DLG2: variants seen among roughly 807,000 people sequenced by gnomAD.
DLG2 encodes the protein disks large homolog 2.
In DLG2, 45 loss-of-function variants were observed where a neutral mutation model predicts 132.5. The ratio of observed to expected loss-of-function variants is 0.34; its 90% confidence interval spans 0.27 to 0.44. DLG2 has a LOEUF of 0.44. DLG2 is among the 20% of genes least tolerant of loss of function. The probability of loss-of-function intolerance (pLI) is 1.00; values close to 1 mark genes in which losing one functional copy is unlikely to be tolerated. For synonymous variants in DLG2, 424 were observed against 419.6 expected (o/e 1.01, Z -0.13); for missense variants, 1,045 against 1,196.9 (o/e 0.87, Z 1.87).
intron 7 of DLG2, among the ~76,000 whole-genome samples, chr11:84,433,297 T>C (rs79575172): frequency 0.032 from 4,936 of 152,338 alleles, 134 homozygotes; most frequent in South Asian, 0.15. Flanking sequence ...GGTATTTTAA[T>C]ACTCTTGTAT....
At chr11:85,338,526 G>C (rs892494921) in intron 3 of DLG2, among the ~76,000 whole-genome samples, 6 of 151,862 alleles carry the variant, frequency 4.0e-5, no homozygotes, top group Non-Finnish European at 5.9e-5. Flanking sequence ...ATCCTGGTTA[G>C]TGTTGTTTAG....
At chr11:84,738,173 T>C (rs1165562622) in intron 6 of DLG2, among the ~76,000 whole-genome samples, 1 of 152,096 alleles carries the variant, frequency 6.6e-6, no homozygotes, top group Admixed American at 6.5e-5. Context: ...GAAAAAATTA[T>C]CTAGAGTCAG....
intron 4 of DLG2, among the ~76,000 whole-genome samples, chr11:85,195,520 A>G (rs996376202): frequency 3.4e-5 from 5 of 145,554 alleles, no homozygotes; most frequent in Non-Finnish European, 7.5e-5. Context: ...TGAAAGTGAC[A>G]GTGTTTTTTT....
intron 22 of DLG2, among the ~76,000 whole-genome samples, chr11:83,481,635 A>ACTGCATTACTAATTTGGGCACATGTTTT (rs2093118903): frequency 6.6e-6 from 1 of 152,126 alleles, no homozygotes; most frequent in Non-Finnish European, 1.5e-5. Flanking sequence ...TGTGATCAGA[A>ACTGCATTACTAATTTGGGCACATGTTTT]CTGCATTACT....
intron 6 of DLG2, among the ~76,000 whole-genome samples, chr11:84,980,768 C>T (rs1284056139): frequency 1.3e-5 from 2 of 152,154 alleles, no homozygotes; most frequent in Non-Finnish European, 2.9e-5. Context: ...CCCTTGATTA[C>T]CTATCCAGCT....
At chr11:84,356,406 A>G (rs116637033) in intron 7 of DLG2, among the ~76,000 whole-genome samples, 129 of 152,232 alleles carry the variant, frequency 8.5e-4, no homozygotes, top group African/African-American at 2.9e-3. Context: ...GAACCTGTAT[A>G]AGACAATCCC....
chr11:84,805,184 C>T lies in DLG2; in HGVS notation c.358-270453G>A, dbSNP rs377060052. On this transcript the variant is annotated intron_variant, in intron 6 of 27. Coordinates refer to ENST00000376104, the MANE Select transcript of DLG2 (RefSeq NM_001142699.3). The stretch of plus-strand genomic sequence containing the variant: ...CTAACAATGGAGGCTTAGTGGGAAA[C>T]GGGAACTCCCACTTCCACTCAGCAG... Among the ~76,000 whole-genome samples, 12 of 152,166 alleles carry T rather than the reference C, an allele frequency of 7.9e-5. No homozygotes were observed. In the South Asian group the frequency reaches 2.1e-3, roughly 26 times the overall value.
chr11:83,610,360 G>T (rs948050994), intron 19 of DLG2, among the ~76,000 whole-genome samples: 1 of 152,214 alleles, frequency 6.6e-6, no homozygotes, highest in Admixed American at 6.5e-5. Flanking sequence ...GGTGCTGCAC[G>T]AATCTGTATC....
At chr11:85,493,963 T>C (rs1422881316) in intron 3 of DLG2, among the ~76,000 whole-genome samples, 1 of 152,206 alleles carries the variant, frequency 6.6e-6, no homozygotes, top group Non-Finnish European at 1.5e-5. Context: ...GGCTGCTCTA[T>C]ATTTCCAAGA....
intron 6 of DLG2, among the ~76,000 whole-genome samples, chr11:84,789,760 T>C (rs545262561): frequency 6.6e-6 from 1 of 152,252 alleles, no homozygotes; most frequent in East Asian, 1.9e-4. Context: ...ACTATCCTTC[T>C]AATCTCAATT....
At chr11:84,275,258 G>T (rs1468693678) in intron 7 of DLG2, among the ~76,000 whole-genome samples, 1 of 152,104 alleles carries the variant, frequency 6.6e-6, no homozygotes, top group African/African-American at 2.4e-5. Context: ...CATAGTCTTT[G>T]TGTGTGGAAA....
intron 6 of DLG2, among the ~76,000 whole-genome samples, chr11:84,711,515 A>C (rs1276724088): frequency 6.7e-6 from 1 of 149,994 alleles, no homozygotes; most frequent in African/African-American, 2.4e-5. Context: ...GCCAACATGC[A>C]GTTCCAATTC....
chr11:84,396,440 A>C (rs78084668), intron 7 of DLG2, among the ~76,000 whole-genome samples: 1,606 of 152,360 alleles, frequency 0.011, 21 homozygotes, highest in African/African-American at 0.036. Flanking sequence ...CATAAGAAAC[A>C]TCATGTACCA....
At chr11:85,465,946 T>G (rs1172930933) in intron 3 of DLG2, among the ~76,000 whole-genome samples, 9 of 152,270 alleles carry the variant, frequency 5.9e-5, no homozygotes, top group African/African-American at 2.2e-4. Flanking sequence ...TTCCCATTTC[T>G]CCACATCCTC....
intron 4 of DLG2, among the ~76,000 whole-genome samples, chr11:85,157,660 C>T (rs1188303158): frequency 6.6e-6 from 1 of 152,068 alleles, no homozygotes; most frequent in African/African-American, 2.4e-5. Context: ...TACGGAGCCT[C>T]AAATCTGCTA....
intron 3 of DLG2, among the ~76,000 whole-genome samples, chr11:85,488,925 G>A (rs2093494257): frequency 6.6e-6 from 1 of 151,930 alleles, no homozygotes; most frequent in African/African-American, 2.4e-5. Flanking sequence ...AAACTCATTG[G>A]TAAATTAAAC....
At chr11:83,907,973 C>T (rs7105997) in intron 15 of DLG2, among the ~76,000 whole-genome samples, 14,689 of 152,172 alleles carry the variant, frequency 0.097, 844 homozygotes, top group Middle Eastern at 0.2. Context: ...AAGTAGCTTG[C>T]CTCCATTATG....
In DLG2 at chr11:84,176,877, T is replaced by C. The variant is rs201693214; in HGVS notation, c.574-13366A>G. Among the ~76,000 whole-genome samples the C allele has an allele frequency of 7.9e-3, 94 of 11,962 alleles. 1 individual carries two copies. Among genetic ancestry groups the C allele is most frequent in the African/African-American group, 0.013 (88 of 6,682 alleles). The allele number at this position is 11,962 out of a possible 152,430, so 7.8% of individuals were successfully genotyped here. A position where few individuals can be genotyped will look rare whatever the true frequency, so the allele number is the denominator to read the frequency against. On this transcript the variant is annotated intron_variant, in intron 8 of 27. Transcript: ENST00000376104. The stretch of plus-strand genomic sequence containing the variant: ...TGCTTGCTTGCTTGCTCTCTCTCTT[T>C]TCTTTTCTTTTCTTTCCTTTCCTTT...
At chr11:83,945,356 T>C (rs1366670505) in intron 14 of DLG2, among the ~76,000 whole-genome samples, 1 of 152,170 alleles carries the variant, frequency 6.6e-6, no homozygotes, top group East Asian at 1.9e-4. Flanking sequence ...CTGTTTTTTC[T>C]TCCCAAGTGT....
Sources: gnomAD v4.1 joint callset for allele counts (sites outside exome capture counted in the v4.1 genomes callset) on GRCh38, gnomAD v4.1.1 for gene constraint, MANE v1.5 for transcripts, NCBI Gene and HGNC (gene_info 2026-07-23, HGNC 2026-07-21) for gene names.